Variants in GABRB3 observed in about 807,000 individuals in gnomAD.
GABRB3 encodes the protein gamma-aminobutyric acid receptor subunit beta-3.
Under a neutral mutation model 52.1 loss-of-function variants are expected in GABRB3, and 14 were observed. That is an observed-to-expected ratio of 0.27 (90% CI 0.18 to 0.42). The LOEUF (loss-of-function observed/expected upper bound fraction) is 0.42, where lower values mean the gene tolerates loss of function less well. GABRB3 is among the 10% of genes least tolerant of loss of function. GABRB3 has a pLI of 1.00. For missense variants in GABRB3, 307 were observed against 609.1 expected (o/e 0.50, Z 5.22); for synonymous variants, 260 against 232.3 (o/e 1.12, Z -1.08).
chr15:26,773,208 C>G (rs1294841003), upstream of GABRB3: 1 of 177,960 alleles, frequency 5.6e-6, no homozygotes, highest in African/African-American at 2.4e-5. Context: ...GGAGCCGCCG[C>G]GCCGCGCACC....
chr15:26,554,345 T>C (rs1242387331), intron 8 of GABRB3, among the ~76,000 whole-genome samples: 1 of 150,524 alleles, frequency 6.6e-6, no homozygotes, highest in Non-Finnish European at 1.5e-5. Context: ...CAGTTTTAAA[T>C]ACCATCTCTT....
chr15:26,687,554 T>G (rs1855819466), intron 3 of GABRB3, among the ~76,000 whole-genome samples: 1 of 152,128 alleles, frequency 6.6e-6, no homozygotes, highest in South Asian at 2.1e-4. Context: ...CATTCCTTCC[T>G]CTCTTCCCTT....
chr15:26,728,194 A>G (rs1478663725), intron 3 of GABRB3, among the ~76,000 whole-genome samples: 1 of 152,206 alleles, frequency 6.6e-6, no homozygotes, highest in Non-Finnish European at 1.5e-5. Flanking sequence ...TCATTCTACT[A>G]GGTGAGGCTC....
intron 3 of GABRB3, among the ~76,000 whole-genome samples, chr15:26,759,730 T>C (rs1295800140): frequency 2.6e-5 from 4 of 152,152 alleles, no homozygotes; most frequent in Non-Finnish European, 5.9e-5. Flanking sequence ...AATGTTAAGA[T>C]TGTTACAGAA....
At chr15:26,566,895 G>C (rs953803459) in intron 7 of GABRB3, among the ~76,000 whole-genome samples, 3 of 152,132 alleles carry the variant, frequency 2.0e-5, no homozygotes, top group African/African-American at 7.2e-5. Context: ...TATCCAAAGG[G>C]ATGGATTGCA....
At chr15:26,572,980 T>C (rs181314979) in intron 6 of GABRB3, among the ~76,000 whole-genome samples, 4 of 152,354 alleles carry the variant, frequency 2.6e-5, no homozygotes, top group Non-Finnish European at 5.9e-5. Context: ...CCTGAATTTA[T>C]ATCATTCTCT....
intron 4 of GABRB3, chr15:26,615,927 G>A (rs981527529): frequency 7.8e-7 from 1 of 1,287,336 alleles, no homozygotes; most frequent in African/African-American, 1.5e-5. Context: ...TGCTGGGCAG[G>A]ACCTTCCTCA....
chr15:26,760,630 T>G (rs899702066), intron 3 of GABRB3, among the ~76,000 whole-genome samples: 1 of 152,112 alleles, frequency 6.6e-6, no homozygotes, highest in African/African-American at 2.4e-5. Flanking sequence ...ATTTTATGAT[T>G]GAAAAGTGGT....
chr15:26,593,036 T>A (rs1485989484), intron 4 of GABRB3, among the ~76,000 whole-genome samples: 1 of 151,926 alleles, frequency 6.6e-6, no homozygotes, highest in Non-Finnish European at 1.5e-5. Flanking sequence ...ACAAAAAAAA[T>A]TCAGATTCTG....
At chr15:26,604,082 C>CA (rs1216972532) in intron 4 of GABRB3, among the ~76,000 whole-genome samples, 2 of 151,952 alleles carry the variant, frequency 1.3e-5, no homozygotes, top group Non-Finnish European at 1.5e-5. Context: ...TTGCAGGATA[C>CA]AAAATCAACA....
intron 3 of GABRB3, among the ~76,000 whole-genome samples, chr15:26,753,722 T>C (rs1566830331): frequency 6.6e-6 from 1 of 152,202 alleles, no homozygotes; most frequent in Non-Finnish European, 1.5e-5. Context: ...GAAGAAGCTA[T>C]CATTTTAGAA....
At chr15:26,564,495 C>A (rs1890094641) in intron 7 of GABRB3, among the ~76,000 whole-genome samples, 2 of 152,192 alleles carry the variant, frequency 1.3e-5, no homozygotes, top group African/African-American at 4.8e-5. Flanking sequence ...TCCAACAGTG[C>A]CCAGAGCCCA....
intron 3 of GABRB3, among the ~76,000 whole-genome samples, chr15:26,655,185 A>G (rs1887329343): frequency 2.6e-5 from 4 of 152,192 alleles, no homozygotes; most frequent in Admixed American, 2.6e-4. Flanking sequence ...TCATGCTTAT[A>G]TTGAATTTTG....
intron 8 of GABRB3, among the ~76,000 whole-genome samples, chr15:26,551,006 C>T (rs960102186): frequency 1.3e-5 from 2 of 152,130 alleles, no homozygotes; most frequent in Non-Finnish European, 1.5e-5. Flanking sequence ...TTGAAGAGCA[C>T]CTGAAATATT....
intron 3 of GABRB3, among the ~76,000 whole-genome samples, chr15:26,676,574 CTT>C (rs1438711924): frequency 6.6e-6 from 1 of 152,178 alleles, no homozygotes; most frequent in Non-Finnish European, 1.5e-5. Context: ...AGAAATGGCT[CTT>C]AAGTTCAAGC....
intron 3 of GABRB3, among the ~76,000 whole-genome samples, chr15:26,769,624 T>G (rs1320204194): frequency 6.6e-6 from 1 of 152,170 alleles, no homozygotes; most frequent in Non-Finnish European, 1.5e-5. Flanking sequence ...GCCATTTTCT[T>G]TCCTAACCCA....
At chr15:26,765,656 C>T (rs1335821331) in intron 3 of GABRB3, among the ~76,000 whole-genome samples, 1 of 152,084 alleles carries the variant, frequency 6.6e-6, no homozygotes, top group Non-Finnish European at 1.5e-5. Flanking sequence ...CAAAGAACGG[C>T]TCATAGAAAC....
rs1338724836 is a variant in GABRB3 at position 26,554,141 on chromosome 15, A to G, written c.1081-6007T>C. Among the ~76,000 whole-genome samples the G allele has an allele frequency of 2.4e-3, 135 of 55,894 alleles. 7 individuals carry two copies. Among genetic ancestry groups the G allele is most frequent in the African/African-American group, 0.012 (126 of 10,842 alleles). 36.7% of individuals were successfully genotyped at this position (55,894 alleles called of 152,430 possible). A position where few individuals can be genotyped will look rare whatever the true frequency, so the allele number is the denominator to read the frequency against. On this transcript the variant is annotated intron_variant, in intron 8 of 8. Coordinates refer to ENST00000311550, the MANE Select transcript of GABRB3 (RefSeq NM_000814.6). The stretch of plus-strand genomic sequence containing the variant: ...AAAGTGTGTGTGTATATATATATAT[A>G]AAGTATATATATATATAAAGTATAT...
chr15:26,671,611 G>A (rs1412409231), intron 3 of GABRB3, among the ~76,000 whole-genome samples: 1 of 152,202 alleles, frequency 6.6e-6, no homozygotes, highest in Non-Finnish European at 1.5e-5. Context: ...CTTTATGGAT[G>A]AGTCGTATTA....
Sources: allele counts gnomAD v4.1 joint callset (sites outside exome capture counted in the v4.1 genomes callset), GRCh38; gene constraint gnomAD v4.1.1; transcripts MANE v1.5; gene names NCBI Gene and HGNC (gene_info 2026-07-23, HGNC 2026-07-21).